DENND1A: variants seen among roughly 807,000 people sequenced by gnomAD.
The protein encoded by DENND1A is DENN domain containing 1A.
DENND1A carries 51 observed loss-of-function variants against 113.7 expected under a neutral mutation model. The ratio of observed to expected loss-of-function variants is 0.45; its 90% CI spans 0.36 to 0.57. The LOEUF (loss-of-function observed/expected upper bound fraction) is 0.57. DENND1A is among the 20% of genes least tolerant of loss of function. DENND1A has a pLI of 0.00. For missense variants in DENND1A, 1,258 were observed against 1,395.9 expected, an observed-to-expected ratio of 0.90 and a Z score of 1.57; for synonymous variants, 565 against 570.8, an observed-to-expected ratio of 0.99 and a Z score of 0.14.
rs574553010 is a variant in DENND1A at position 123,573,696 on chromosome 9, T to C, written c.867+9473A>G. The stretch of plus-strand genomic sequence containing the variant: ...ATGAGACTCCTTAGAATTTTCCATA[T>C]ACACGATCAAGTTGTCTGAATAAAG... On this transcript the variant is annotated intron_variant, in intron 12 of 23. Transcript: ENST00000394215. Among the ~76,000 whole-genome samples the C allele has an allele frequency of 1.1e-3, 167 of 152,302 alleles. 1 individual carries two copies. Among genetic ancestry groups the C allele is most frequent in the Non-Finnish European group, 1.8e-3 (122 of 67,992 alleles).
At chr9:123,670,769 G>A (rs2063726813) in intron 7 of DENND1A, among the ~76,000 whole-genome samples, 1 of 152,202 alleles carries the variant, frequency 6.6e-6, no homozygotes, top group Non-Finnish European at 1.5e-5. Flanking sequence ...GATGCTTCGA[G>A]CAAAGGAGGT....
intron 11 of DENND1A, among the ~76,000 whole-genome samples, chr9:123,588,695 G>A (rs2059316917): frequency 6.6e-6 from 1 of 150,422 alleles, no homozygotes; most frequent in South Asian, 2.1e-4. Flanking sequence ...CCCTCCATTT[G>A]GAGACAATGT....
intron 9 of DENND1A, among the ~76,000 whole-genome samples, chr9:123,633,923 T>C (rs2061591163): frequency 1.3e-5 from 2 of 152,176 alleles, no homozygotes; most frequent in Admixed American, 1.3e-4. Flanking sequence ...CCACAACATA[T>C]AAATAAATAA....
chr9:123,926,472 C>G (rs899336228), intron 1 of DENND1A, among the ~76,000 whole-genome samples: 1 of 148,134 alleles, frequency 6.8e-6, no homozygotes, highest in Non-Finnish European at 1.5e-5. Flanking sequence ...GAAGCTGAGG[C>G]AGGAGAATCG....
intron 8 of DENND1A, among the ~76,000 whole-genome samples, chr9:123,665,081 T>C (rs150951656): frequency 3.3e-5 from 5 of 152,324 alleles, no homozygotes; most frequent in African/African-American, 1.2e-4. Flanking sequence ...TCTCCTTTCG[T>C]TCATCATTTC....
intron 13 of DENND1A, among the ~76,000 whole-genome samples, chr9:123,517,561 G>A (rs2054044548): frequency 6.6e-6 from 1 of 151,826 alleles, no homozygotes; most frequent in Non-Finnish European, 1.5e-5. Context: ...GGAGGTTGCA[G>A]TCAGCTGAGA....
intron 22 of DENND1A, 113 bp from the exon 23 acceptor site, chr9:123,384,026 G>T: frequency 1.4e-6 from 2 of 1,407,252 alleles, no homozygotes; most frequent in Non-Finnish European, 1.9e-6. Context: ...GGGCCTGCGG[G>T]ACAGGAGAGT....
intron 19 of DENND1A, chr9:123,414,276 C>T (rs2044543935): frequency 3.0e-6 from 4 of 1,337,516 alleles, no homozygotes; most frequent in Non-Finnish European, 2.9e-6. Flanking sequence ...TGATGGACGT[C>T]AGGTTCTTTG....
chr9:123,558,670 A>C (rs2057564073), intron 12 of DENND1A, among the ~76,000 whole-genome samples: 2 of 152,188 alleles, frequency 1.3e-5, no homozygotes, highest in African/African-American at 4.8e-5. Context: ...CATAAAAAAC[A>C]ATGTAGGAAA....
At chr9:123,559,033 G>C (rs909754216) in intron 12 of DENND1A, among the ~76,000 whole-genome samples, 5 of 152,180 alleles carry the variant, frequency 3.3e-5, no homozygotes, top group African/African-American at 1.2e-4. Flanking sequence ...GTCAAGGAAG[G>C]CTTCCTGGAG....
intron 13 of DENND1A, among the ~76,000 whole-genome samples, chr9:123,539,173 T>C (rs1343851082): frequency 6.6e-6 from 1 of 152,100 alleles, no homozygotes; most frequent in Non-Finnish European, 1.5e-5. Flanking sequence ...AAACAAGACC[T>C]GGTATGCCTC....
intron 2 of DENND1A, among the ~76,000 whole-genome samples, chr9:123,857,353 G>A (rs573937324): frequency 6.6e-6 from 1 of 152,266 alleles, no homozygotes; most frequent in East Asian, 1.9e-4. Flanking sequence ...GAACAATTCA[G>A]TAACAACCTT....
intron 19 of DENND1A, among the ~76,000 whole-genome samples, chr9:123,433,569 T>G (rs146008591): frequency 6.6e-6 from 1 of 152,334 alleles, no homozygotes; most frequent in East Asian, 1.9e-4. Flanking sequence ...AACTATCATA[T>G]TAACATTAAT....
chr9:123,898,296 G>A (rs1264098190), intron 1 of DENND1A, among the ~76,000 whole-genome samples: 1 of 151,450 alleles, frequency 6.6e-6, no homozygotes, highest in Non-Finnish European at 1.5e-5. Context: ...GAGTTATGAG[G>A]GTCTCATATG....
At chr9:123,816,466 A>G (rs964668001) in intron 2 of DENND1A, among the ~76,000 whole-genome samples, 1 of 152,222 alleles carries the variant, frequency 6.6e-6, no homozygotes. Flanking sequence ...TGGTCTAGCC[A>G]GAAAGGTTAA....
chr9:123,425,592 C>G (rs537171884), intron 19 of DENND1A, among the ~76,000 whole-genome samples: 133 of 150,498 alleles, frequency 8.8e-4, no homozygotes, highest in African/African-American at 3.1e-3. Flanking sequence ...CTTTCCTGCC[C>G]GCACTCATTC....
intron 13 of DENND1A, among the ~76,000 whole-genome samples, chr9:123,553,038 C>T (rs79101631): frequency 0.027 from 4,059 of 152,264 alleles, 96 homozygotes; most frequent in South Asian, 0.044. Context: ...TGAAGGATCA[C>T]TCGAGCCCAG....
At chr9:123,809,010 T>G (rs1836088539) in intron 2 of DENND1A, among the ~76,000 whole-genome samples, 1 of 152,138 alleles carries the variant, frequency 6.6e-6, no homozygotes, top group Non-Finnish European at 1.5e-5. Flanking sequence ...AGATCCTGGG[T>G]ATGATTTAGG....
At chr9:123,785,220 C>T (rs926525478) in intron 3 of DENND1A, among the ~76,000 whole-genome samples, 8 of 151,810 alleles carry the variant, frequency 5.3e-5, no homozygotes, top group African/African-American at 1.7e-4. Flanking sequence ...GTGGTACACA[C>T]CCCGAAGTCC....
Sources: allele counts gnomAD v4.1 joint callset (sites outside exome capture counted in the v4.1 genomes callset), GRCh38; gene constraint gnomAD v4.1.1; transcripts MANE v1.5; gene names NCBI Gene and HGNC (gene_info 2026-07-23, HGNC 2026-07-21).